Variants in ENDOG observed in about 807,000 individuals in gnomAD.
ENDOG encodes endonuclease G, mitochondrial.
Under a neutral mutation model 22.6 loss-of-function variants are expected in ENDOG, and 22 were observed. The ratio of observed to expected loss-of-function variants is 0.97; its 90% CI spans 0.70 to 1.39. The LOEUF (loss-of-function observed/expected upper bound fraction) is 1.39. ENDOG is among the 40% of genes most tolerant of loss of function. The pLI is 0.00. For missense variants in ENDOG, 403 were observed against 431.3 expected (o/e 0.93, Z 0.58); for synonymous variants, 173 against 200.2 (o/e 0.86, Z 1.15).
At chr9:128,822,251 C>T (rs1830134166) in intron 2 of ENDOG, 77 bp from the exon 3 acceptor site, 1 of 1,540,974 alleles carries the variant, frequency 6.5e-7, no homozygotes, top group Non-Finnish European at 8.8e-7. Flanking sequence ...GAGGACAGAT[C>T]AGGGAAGGCT....
intron 1 of ENDOG, chr9:128,819,624 G>T: frequency 5.7e-6 from 1 of 176,716 alleles, no homozygotes. Context: ...GGTGGGTGAG[G>T]GCGGGTTTCA....
chr9:128,822,119 G>A, intron 2 of ENDOG: 1 of 611,648 alleles, frequency 1.6e-6, no homozygotes, highest in Non-Finnish European at 2.9e-6. Flanking sequence ...CCAGTGTTGG[G>A]CATAAGGAAA....
chr9:128,819,104 T>C lies in ENDOG; in HGVS notation c.420T>C (p.Gly140=). The change falls in exon 1 of 3, where the codon GGT becomes GGC. Residue 140 remains glycine (G), a synonymous_variant. Transcript: ENST00000372642. ...ADYRGSGFDR[G]HLAAAANHRW... ...ACCGCGGCAGTGGCTTCGACCGCGG[T>C]CACCTGGCCGCCGCCGCCAACCACC... 6.6e-7 allele frequency: 1 copy of C among 1,519,302 alleles called. No homozygotes were observed. The highest frequency in any genetic ancestry group is 1.8e-4 in the Middle Eastern group (1 of 5,714). The allele number at this position is 1,519,302 out of a possible 1,614,324, so 94.1% of individuals were successfully genotyped here.
rs1376054525 is a variant in ENDOG, at chr9:128,818,846, G to A, written c.162G>A (p.Val54=). Residue 54 remains valine (V), a synonymous_variant, in exon 1 of 3, where the codon GTG becomes GTA. Transcript: ENST00000372642. The stretch of plus-strand genomic sequence containing the variant: ...CGGCGGCAGCCGAGTTGCCCCCTGT[G>A]CCCGGGGGACCCCGCGGCCCGGGCG... ...PVAAAAELPP[V]PGGPRGPGEL... 2.9e-6 allele frequency: 4 copies of A among 1,388,184 alleles called. No individual in the cohort carries two copies. The highest frequency in any genetic ancestry group is 2.8e-6 in the Non-Finnish European group (3 of 1,077,584). The allele number at this position is 1,388,184 out of a possible 1,614,324, so 86.0% of individuals were successfully genotyped here.
chr9:128,819,009 G>C lies in ENDOG; in HGVS notation c.325G>C (p.Asp109His). The C allele has an allele frequency of 4.7e-6, 7 of 1,484,088 alleles. No individual in the cohort carries two copies. Among genetic ancestry groups the C allele is most frequent in the Non-Finnish European group, 6.2e-6 (7 of 1,125,302 alleles). 91.9% of individuals were successfully genotyped at this position (1,484,088 alleles called of 1,614,324 possible). The change falls in exon 1 of 3, where the codon GAC becomes CAC. Residue 109 changes from aspartate (D) to histidine (H), a missense_variant. Coordinates refer to ENST00000372642, the MANE Select transcript of ENDOG (RefSeq NM_004435.2). ...LRPERLRGDG[D>H]RRECDFREDD... ...ACCCGAGCGTCTCCGCGGCGACGGC[G>C]ACCGGCGCGAGTGCGACTTCCGCGA...
At chr9:128,820,443 G>A (rs1040566923) in intron 1 of ENDOG, 16 of 362,346 alleles carry the variant, frequency 4.4e-5, no homozygotes, top group African/African-American at 3.1e-4. Flanking sequence ...GGGTGGGGCT[G>A]GGGACAGGCC....
Position 128,820,792 on chromosome 9 carries a change from C to G in ENDOG, c.555C>G (p.Ser185Arg). 1 of 1,612,566 alleles carries G rather than the reference C, an allele frequency of 6.2e-7. No homozygotes were observed. Among genetic ancestry groups the G allele is most frequent in the South Asian group, 1.1e-5 (1 of 90,702 alleles). Residue 185 changes from serine to arginine, a missense_variant, in exon 2 of 3, where the codon AGC becomes AGG. Physicochemically the swap from Ser to Arg is moderately radical, Grantham distance 110. Coordinates refer to ENST00000372642, the MANE Select transcript of ENDOG (RefSeq NM_004435.2). ...AWNNLEKYSR[S>R]LTRSYQNVYV... ...ACAACCTGGAGAAATATAGCCGCAG[C>G]TTGACCCGCAGCTACCAAAACGTCT...
chr9:128,820,516 A>C, intron 1 of ENDOG: 1 of 545,606 alleles, frequency 1.8e-6, no homozygotes. Context: ...AGCTGAGAAA[A>C]GACTTTGACA....
chr9:128,822,370 C>T lies in ENDOG; in HGVS notation c.654C>T (p.Ile218=), dbSNP rs55985529. 4.3e-3 allele frequency: 6,900 copies of T among 1,613,898 alleles called. 249 individuals carry two copies. In the African/African-American group the frequency reaches 0.079, roughly 18 times the overall value. ...DGKSYVKYQV[I]GKNHVAVPTH... The stretch of plus-strand genomic sequence containing the variant: ...AATCCTACGTAAAGTACCAGGTCAT[C>T]GGCAAGAACCACGTGGCAGTGCCCA... Residue 218 remains isoleucine (I), a synonymous_variant, in exon 3 of 3, where the codon ATC becomes ATT. Transcript: ENST00000372642.
At chr9:128,822,270 G>C (rs1430371795) in intron 2 of ENDOG, 58 bp from the exon 3 acceptor site, 2 of 1,576,854 alleles carry the variant, frequency 1.3e-6, no homozygotes, top group Non-Finnish European at 1.7e-6. Context: ...CTGCCTGGAA[G>C]AGGTGGCTTT....
In ENDOG at chr9:128,820,863, AG is replaced by A; in HGVS notation, c.611+21del. On this transcript the variant is annotated intron_variant, in intron 2 of 2. Transcript: ENST00000372642. ...TTCCTGCCCAGGTAAGGTGGAAACC[AG>A]GGGGGCGGCAGAACCTCCCACTCAC... 1.3e-6 allele frequency: 2 copies of A among 1,593,666 alleles called. No individual in the cohort carries two copies. The highest frequency in any genetic ancestry group is 1.3e-5 in the African/African-American group (1 of 74,708).
At chr9:128,819,238 C>T (rs1052344994) in intron 1 of ENDOG, 53 bp downstream of exon 1, 34 of 1,406,410 alleles carry the variant, frequency 2.4e-5, no homozygotes, top group Admixed American at 3.4e-5. Context: ...CGCCTGGCCT[C>T]GCGGGGCCTC....
intron 2 of ENDOG, 84 bp from the exon 3 acceptor site, chr9:128,822,244 G>C: frequency 6.6e-7 from 1 of 1,517,324 alleles, no homozygotes; most frequent in Admixed American, 1.8e-5. Flanking sequence ...GAAGTTAGAG[G>C]ACAGATCAGG....
chr9:128,822,416 A>G lies in ENDOG; in HGVS notation c.700A>G (p.Ile234Val), dbSNP rs550909628. Residue 234 changes from isoleucine (I) to valine (V), a missense_variant, in exon 3 of 3, where the codon ATC (isoleucine) becomes GTC (valine). Physicochemically the swap from Ile to Val is conservative, Grantham distance 29. Coordinates refer to ENST00000372642, the MANE Select transcript of ENDOG (RefSeq NM_004435.2). ...GCCCACACACTTCTTCAAGGTGCTG[A>G]TCCTGGAGGCAGCAGGTGGGCAAAT... Reference protein sequence around the residue: ...AVPTHFFKVLILEAAGGQIEL... With the variant: ...AVPTHFFKVLVLEAAGGQIEL... 6 of 1,609,578 alleles carry G rather than the reference A, an allele frequency of 3.7e-6. No individual in the cohort carries two copies. In the African/African-American group the frequency reaches 8.0e-5, roughly 21 times the overall value.
chr9:128,822,450 G>T lies in ENDOG; in HGVS notation c.734G>T (p.Arg245Leu), dbSNP rs61737988. ...LEAAGGQIEL[R>L]TYVMPNAPVD... ...GCAGCAGGTGGGCAAATTGAGCTCC[G>T]CACCTACGTGATGCCCAACGCACCT... Residue 245 changes from arginine (R) to leucine (L), a missense_variant, in exon 3 of 3, where the codon CGC (arginine) becomes CTC (leucine). Arg to Leu is a moderately radical substitution (Grantham distance 102). Transcript: ENST00000372642. 2.0e-3 allele frequency: 3,203 copies of T among 1,585,460 alleles called. 9 individuals carry two copies. Among genetic ancestry groups the T allele is most frequent in the Middle Eastern group, 3.0e-3 (18 of 6,018 alleles).
intron 2 of ENDOG, 157 bp downstream of exon 2, chr9:128,821,005 C>T (rs2132580021): frequency 1.5e-6 from 1 of 648,992 alleles, no homozygotes; most frequent in South Asian, 1.9e-5. Flanking sequence ...CTCGAGTCCC[C>T]TCATTCCACC....
intron 1 of ENDOG, chr9:128,819,626 C>G: frequency 5.7e-6 from 1 of 175,040 alleles, no homozygotes; most frequent in Non-Finnish European, 1.2e-5. Context: ...TGGGTGAGGG[C>G]GGGTTTCAGG....
intron 1 of ENDOG, 118 bp from the exon 2 acceptor site, chr9:128,820,621 C>T: frequency 1.2e-6 from 1 of 808,142 alleles, no homozygotes; most frequent in Non-Finnish European, 2.0e-6. Context: ...CAGTTTCCCC[C>T]CGCTTGTCTC....
intron 2 of ENDOG, chr9:128,821,824 C>T (rs1276374253): frequency 5.9e-6 from 1 of 170,124 alleles, no homozygotes; most frequent in South Asian, 1.4e-4. Context: ...GGTAAGGGCT[C>T]GGCATAGGCT....
Sources: allele counts gnomAD v4.1 joint callset, GRCh38; gene constraint gnomAD v4.1.1; transcripts MANE v1.5; gene names NCBI Gene and HGNC (gene_info 2026-07-23, HGNC 2026-07-21).